The following ROBO1 variants were observed in gnomAD, a reference collection of about 807,000 sequenced individuals.
ROBO1 encodes roundabout homolog 1.
Under a neutral mutation model 195.9 loss-of-function variants are expected in ROBO1, and 149 were observed. The observed-to-expected ratio is 0.76, with a 90% CI of 0.67 to 0.87. The LOEUF is 0.87. Among genes scored for constraint, ROBO1 ranks in the 40% least tolerant of loss-of-function variants. The pLI is 0.00. For synonymous variants in ROBO1, 816 were observed against 733.2 expected (o/e 1.11, Z -1.82); for missense variants, 1,933 against 2,068.3 (o/e 0.93, Z 1.27).
chr3:79,277,058 G>C (rs577818721), intron 2 of ROBO1, among the ~76,000 whole-genome samples: 1 of 152,060 alleles, frequency 6.6e-6, no homozygotes, highest in South Asian at 2.1e-4. Context: ...GAAACCTTTA[G>C]AGATTCCTCA....
At chr3:79,359,130 C>A (rs982842798) in intron 2 of ROBO1, among the ~76,000 whole-genome samples, 1 of 151,990 alleles carries the variant, frequency 6.6e-6, no homozygotes, top group Non-Finnish European at 1.5e-5. Flanking sequence ...ACCAACTGAT[C>A]ATTTTGCTGG....
In ROBO1 at chr3:79,625,423, GAAAAAA is replaced by G; in HGVS notation, c.-50-35468_-50-35463del. On this transcript the variant is annotated intron_variant, in intron 1 of 30. Transcript: ENST00000464233. ...AAGTAATCCAGTAGCTGTTTTTTTT[GAAAAAA>G]AAAAAAAAAAAAAAAGCAAAATAGA... is the stretch of plus-strand genomic sequence containing the variant. 4.9e-3 allele frequency among the ~76,000 whole-genome samples: 68 copies of G among 13,878 alleles called. 1 individual carries two copies. Among genetic ancestry groups the G allele is most frequent in the African/African-American group, 9.3e-3 (41 of 4,386 alleles). 9.1% of individuals were successfully genotyped at this position (13,878 alleles called of 152,430 possible).
At chr3:79,503,063 G>A (rs1378439666) in intron 2 of ROBO1, among the ~76,000 whole-genome samples, 2 of 152,138 alleles carry the variant, frequency 1.3e-5, no homozygotes, top group African/African-American at 4.8e-5. Context: ...TTTCCACACT[G>A]TGAAAGCTTT....
In ROBO1 at chr3:79,469,827, T is replaced by C. The variant is rs535241438; in HGVS notation, c.88+119997A>G. Among the ~76,000 whole-genome samples, 15 of 152,220 alleles carry C rather than the reference T, an allele frequency of 9.9e-5. No homozygotes were observed. In the East Asian group the frequency reaches 1.4e-3, roughly 14 times the overall value. ...CAACAATTTGAACTAAGGACAACTT[T>C]TTCTTCTTTTATACAGGTTAAAAAA... On this transcript the variant is annotated intron_variant, in intron 2 of 30. Coordinates refer to ENST00000464233, the MANE Select transcript of ROBO1 (RefSeq NM_002941.4).
At chr3:78,671,313 C>T (rs1290071547) in intron 10 of ROBO1, among the ~76,000 whole-genome samples, 4 of 151,388 alleles carry the variant, frequency 2.6e-5, no homozygotes, top group African/African-American at 9.7e-5. Flanking sequence ...TTTTTAATGA[C>T]TTAAAAACCA....
chr3:78,599,198 A>G (rs1703022396), intron 30 of ROBO1, among the ~76,000 whole-genome samples: 1 of 151,914 alleles, frequency 6.6e-6, no homozygotes, highest in Non-Finnish European at 1.5e-5. Context: ...GAATGTGTTG[A>G]GTTATCTAAT....
Position 78,631,225 on chromosome 3 carries a change from G to A in ROBO1, c.3562C>T (p.Pro1188Ser), listed in dbSNP as rs371015142. 29 of 1,613,264 alleles carry A rather than the reference G, an allele frequency of 1.8e-5. No homozygotes were observed. Among genetic ancestry groups the A allele is most frequent in the Non-Finnish European group, 2.3e-5 (27 of 1,179,632 alleles). Reference sequence around the variant, plus strand: ...TGTGGAGGAGGATGTGCTGGGGGAGGAGGAAGCAGGTCTGCCCAGTTCATG... The same window carrying A: ...TGTGGAGGAGGATGTGCTGGGGGAGAAGGAAGCAGGTCTGCCCAGTTCATG... The part of the protein sequence containing the change: ...GGMNWADLLP[P>S]PPAHPPPHSN... Residue 1188 changes from proline (P) to serine (S), a missense_variant, in exon 25 of 31, where the codon CCT becomes TCT. Coordinates refer to ENST00000464233, the MANE Select transcript of ROBO1 (RefSeq NM_002941.4).
chr3:79,561,044 T>C (rs534044193), intron 2 of ROBO1, among the ~76,000 whole-genome samples: 1 of 152,290 alleles, frequency 6.6e-6, no homozygotes, highest in Middle Eastern at 3.4e-3. Flanking sequence ...CTAGTTTGCC[T>C]GACAGCCTTC....
At chr3:79,404,959 C>T (rs2037490333) in intron 2 of ROBO1, among the ~76,000 whole-genome samples, 1 of 152,028 alleles carries the variant, frequency 6.6e-6, no homozygotes, top group Admixed American at 6.6e-5. Context: ...TCTGAACCCT[C>T]CTTGTATTAA....
At chr3:79,038,267 C>A (rs997721564) in intron 3 of ROBO1, among the ~76,000 whole-genome samples, 1 of 152,152 alleles carries the variant, frequency 6.6e-6, no homozygotes, top group African/African-American at 2.4e-5. Context: ...ACTGACTGAG[C>A]AATTGAAGGA....
At chr3:79,663,058 T>C (rs1242533254) in intron 1 of ROBO1, among the ~76,000 whole-genome samples, 3 of 152,108 alleles carry the variant, frequency 2.0e-5, no homozygotes, top group African/African-American at 7.2e-5. Context: ...TGGGAGCTAA[T>C]AAGTGAAGTT....
chr3:79,220,731 T>G (rs2082123061), intron 2 of ROBO1, among the ~76,000 whole-genome samples: 1 of 152,008 alleles, frequency 6.6e-6, no homozygotes. Context: ...AATCATGACA[T>G]AAAATAGATT....
chr3:79,669,585 A>G (rs1028301057), intron 1 of ROBO1, among the ~76,000 whole-genome samples: 1 of 151,958 alleles, frequency 6.6e-6, no homozygotes, highest in Non-Finnish European at 1.5e-5. Flanking sequence ...CTAGGGATGT[A>G]GTAGACTTTA....
chr3:79,518,696 T>TTA (rs1941062008), intron 2 of ROBO1, among the ~76,000 whole-genome samples: 1 of 151,264 alleles, frequency 6.6e-6, no homozygotes, highest in Admixed American at 6.6e-5. Flanking sequence ...TATTATTATT[T>TTA]TTAGATGGAA....
At chr3:78,855,796 C>T (rs1222766726) in intron 4 of ROBO1, among the ~76,000 whole-genome samples, 1 of 151,978 alleles carries the variant, frequency 6.6e-6, no homozygotes, top group Non-Finnish European at 1.5e-5. Context: ...TTTAAAAAAT[C>T]CTAATATGAA....
At chr3:78,981,737 G>A (rs1215129251) in intron 3 of ROBO1, among the ~76,000 whole-genome samples, 1 of 150,978 alleles carries the variant, frequency 6.6e-6, no homozygotes, top group East Asian at 1.9e-4. Flanking sequence ...TCAGAACCAA[G>A]GACTTCCCAG....
chr3:79,457,167 C>T (rs2039643408), intron 2 of ROBO1, among the ~76,000 whole-genome samples: 1 of 152,086 alleles, frequency 6.6e-6, no homozygotes, highest in African/African-American at 2.4e-5. Flanking sequence ...CATACAATCA[C>T]AGAAAATTAA....
intron 2 of ROBO1, among the ~76,000 whole-genome samples, chr3:79,194,241 T>C (rs2081590946): frequency 6.6e-6 from 1 of 151,698 alleles, no homozygotes; most frequent in African/African-American, 2.4e-5. Context: ...TTTTCCTAGG[T>C]AAAAAGTAAC....
chr3:79,497,129 A>T (rs1177762517), intron 2 of ROBO1, among the ~76,000 whole-genome samples: 1 of 152,194 alleles, frequency 6.6e-6, no homozygotes, highest in Admixed American at 6.5e-5. Flanking sequence ...GCTTGGAAAG[A>T]CTTAAAGAAA....
Sources: gnomAD v4.1 joint callset for allele counts (sites outside exome capture counted in the v4.1 genomes callset) on GRCh38, gnomAD v4.1.1 for gene constraint, MANE v1.5 for transcripts, NCBI Gene and HGNC (gene_info 2026-07-23, HGNC 2026-07-21) for gene names.